The following UTRN variants were observed in gnomAD, a reference collection of about 807,000 sequenced individuals.
UTRN encodes the protein dystrophin-related protein 1.
A neutral mutation model predicts 463.9 loss-of-function variants in UTRN; 283 were observed. The observed-to-expected ratio is 0.61, with a 90% CI of 0.55 to 0.67. The LOEUF (loss-of-function observed/expected upper bound fraction) is 0.67, where lower values mean the gene tolerates loss of function less well. UTRN is among the 30% of genes least tolerant of loss of function. The probability of loss-of-function intolerance (pLI) is 0.00; values close to 1 mark genes in which losing one functional copy is unlikely to be tolerated. For missense variants in UTRN, 3,922 were observed against 4,084.3 expected, an observed-to-expected ratio of 0.96 and a Z score of 1.08; for synonymous variants, 1,442 against 1,431.5, an observed-to-expected ratio of 1.01 and a Z score of -0.17.
At chr6:144,847,233 A>T (rs560778683) in intron 74 of UTRN, among the ~76,000 whole-genome samples, 16 of 152,276 alleles carry the variant, frequency 1.1e-4, no homozygotes, top group African/African-American at 3.6e-4. Context: ...TCAATTTTTT[A>T]CTTAAAAATT....
At chr6:144,641,310 A>C (rs1777739867) in intron 51 of UTRN, among the ~76,000 whole-genome samples, 1 of 152,166 alleles carries the variant, frequency 6.6e-6, no homozygotes, top group African/African-American at 2.4e-5. Context: ...TAGATTTGAA[A>C]ATTTTCTGAT....
intron 2 of UTRN, among the ~76,000 whole-genome samples, chr6:144,295,448 G>A (rs991514312): frequency 6.6e-6 from 1 of 152,198 alleles, no homozygotes; most frequent in African/African-American, 2.4e-5. Flanking sequence ...TGGGATTATA[G>A]ACTCTCAGCT....
intron 53 of UTRN, among the ~76,000 whole-genome samples, chr6:144,720,168 G>C (rs1786962091): frequency 6.6e-6 from 1 of 152,182 alleles, no homozygotes; most frequent in Non-Finnish European, 1.5e-5. Flanking sequence ...AGCCATTATG[G>C]TGAGCTGATG....
intron 39 of UTRN, among the ~76,000 whole-genome samples, chr6:144,518,847 A>T (rs1028614716): frequency 2.0e-5 from 3 of 152,192 alleles, no homozygotes; most frequent in Non-Finnish European, 4.4e-5. Context: ...TACAAACTTC[A>T]AATCTATAGT....
chr6:144,582,152 C>A (rs1443733994), intron 51 of UTRN, among the ~76,000 whole-genome samples: 3 of 152,094 alleles, frequency 2.0e-5, no homozygotes, highest in Non-Finnish European at 4.4e-5. Flanking sequence ...CAATATAGGA[C>A]TTTAAATCGT....
intron 2 of UTRN, among the ~76,000 whole-genome samples, chr6:144,307,907 GA>G (rs1805893010): frequency 6.6e-6 from 1 of 151,642 alleles, no homozygotes; most frequent in Non-Finnish European, 1.5e-5. Context: ...GACATCAAAA[GA>G]AATTTCTTTG....
In UTRN at chr6:144,485,416, A is replaced by T. The variant is rs1339839758; in HGVS notation, c.3719A>T (p.His1240Leu). 6.2e-7 allele frequency: 1 copy of T among 1,614,024 alleles called. No individual in the cohort carries two copies. Among genetic ancestry groups the T allele is most frequent in the African/African-American group, 1.3e-5 (1 of 74,890 alleles). ...TGGTCTTGTTGGATTGAACTGCTTC[A>T]CTATTTGGATCTTGAAACTACCTGG... Reference protein sequence around the residue: ...EVWSCWIELLHYLDLETTWLN... With the variant: ...EVWSCWIELLLYLDLETTWLN... Residue 1240 changes from histidine (H) to leucine (L), a missense_variant, in exon 28 of 75, where the codon CAC (histidine) becomes CTC (leucine). His to Leu is a moderately conservative substitution (Grantham distance 99, BLOSUM62 -3). Around this residue, in one of 3 missense-constraint regions of UTRN, gnomAD observed 2,349 missense variants for 2,303.8 expected, o/e 1.02. Coordinates refer to ENST00000367545, the MANE Select transcript of UTRN (RefSeq NM_007124.3).
chr6:144,725,139 T>A (rs1444687129), intron 53 of UTRN, among the ~76,000 whole-genome samples: 1 of 152,122 alleles, frequency 6.6e-6, no homozygotes, highest in Non-Finnish European at 1.5e-5. Flanking sequence ...TGGGGGCAGG[T>A]TTTTCCCATG....
rs556564985 is a variant in UTRN at position 144,346,586 on chromosome 6, C to T, written c.79+54679C>T. Among the ~76,000 whole-genome samples, 14 of 152,248 alleles carry T rather than the reference C, an allele frequency of 9.2e-5. No individual in the cohort carries two copies. The South Asian group carries it at 1.9e-3, about 20-fold the overall frequency. On this transcript the variant is annotated intron_variant, in intron 2 of 74. Transcript: ENST00000367545. ...TTGTAATCCCAGCACTTTGGGAGCC[C>T]GAGGCGGGCAGATCACCTGAGGTCA...
chr6:144,332,080 TCTC>T (rs1776373567), intron 2 of UTRN, among the ~76,000 whole-genome samples: 1 of 152,196 alleles, frequency 6.6e-6, no homozygotes, highest in South Asian at 2.1e-4. Flanking sequence ...GCTATCTCCT[TCTC>T]CTCCTTCTGG....
At chr6:144,438,644 G>T in intron 11 of UTRN, 101 bp from the exon 12 acceptor site, 3 of 1,415,102 alleles carry the variant, frequency 2.1e-6, no homozygotes, top group Non-Finnish European at 2.9e-6. Context: ...GTTTAGACAA[G>T]GGTGTCTTCC....
chr6:144,423,554 G>A lies in UTRN; in HGVS notation c.240G>A (p.Lys80=), dbSNP rs753046022. The part of the protein sequence containing the change: ...LEGLTGTSLP[K]ERGSTRVHAL... ...TTTTTTGTTTTATTTTCCAGCCAAA[G>A]GAACGTGGTTCCACAAGGGTACATG... The change falls in exon 5 of 75, where the codon AAG becomes AAA. Residue 80 remains lysine, a synonymous_variant. Transcript: ENST00000367545. 1.4e-5 allele frequency: 23 copies of A among 1,614,080 alleles called. No individual in the cohort carries two copies. The highest frequency in any genetic ancestry group is 2.7e-5 in the African/African-American group (2 of 74,934).
intron 1 of UTRN, among the ~76,000 whole-genome samples, chr6:144,288,768 T>C (rs1403278078): frequency 6.7e-6 from 1 of 148,940 alleles, no homozygotes; most frequent in Non-Finnish European, 1.5e-5. Flanking sequence ...TTTTTTTTTT[T>C]TTTTTTTTGA....
At chr6:144,655,684 G>C (rs893007280) in intron 51 of UTRN, among the ~76,000 whole-genome samples, 2 of 152,002 alleles carry the variant, frequency 1.3e-5, no homozygotes, top group African/African-American at 4.8e-5. Flanking sequence ...AAACCTGTTA[G>C]AATTTACATA....
chr6:144,343,967 T>TA, intron 2 of UTRN: 1 of 259,410 alleles, frequency 3.9e-6, no homozygotes, highest in Non-Finnish European at 7.1e-6. Context: ...TTGTGACTAT[T>TA]AAAAAAACAA....
At chr6:144,609,143 A>G (rs1159586067) in intron 51 of UTRN, among the ~76,000 whole-genome samples, 1 of 152,218 alleles carries the variant, frequency 6.6e-6, no homozygotes, top group Admixed American at 6.5e-5. Flanking sequence ...AAAAAGATAC[A>G]GAGTAGCCAA....
chr6:144,598,232 C>T (rs963509351), intron 51 of UTRN, among the ~76,000 whole-genome samples: 4 of 152,116 alleles, frequency 2.6e-5, no homozygotes, highest in African/African-American at 7.2e-5. Context: ...AGAAAATAGA[C>T]GTCCATCAAT....
In UTRN at chr6:144,762,789, G is replaced by C. The variant is rs766578745; in HGVS notation, c.8495+4800G>C. On this transcript the variant is annotated intron_variant, in intron 58 of 74. Coordinates refer to ENST00000367545, the MANE Select transcript of UTRN (RefSeq NM_007124.3). The stretch of plus-strand genomic sequence containing the variant: ...GCGAGTAAGATGGCCAACAAAGCTG[G>C]CTTATAAGTCCTAAGGGACTTGAAA... Among the ~76,000 whole-genome samples the C allele has an allele frequency of 2.6e-4, 39 of 152,290 alleles. 1 individual carries two copies. The highest frequency in any genetic ancestry group is 4.6e-4 in the Non-Finnish European group (31 of 68,016).
chr6:144,334,611 T>A (rs1452967563), intron 2 of UTRN, among the ~76,000 whole-genome samples: 1 of 152,192 alleles, frequency 6.6e-6, no homozygotes, highest in African/African-American at 2.4e-5. Context: ...GAACATGTAT[T>A]TCCTCTTGGC....
Sources: allele counts gnomAD v4.1 joint callset (sites outside exome capture counted in the v4.1 genomes callset), GRCh38; gene constraint gnomAD v4.1.1; regional missense constraint gnomAD v4.1.1; transcripts MANE v1.5; gene names NCBI Gene and HGNC (gene_info 2026-07-23, HGNC 2026-07-21).